Variants in GPC5 observed in about 807,000 individuals in gnomAD.
The protein encoded by GPC5 is glypican-5.
In GPC5, 47 loss-of-function variants were observed where a neutral mutation model predicts 53.9. The observed-to-expected ratio is 0.87, with a 90% confidence interval of 0.69 to 1.11. The LOEUF (loss-of-function observed/expected upper bound fraction) is 1.11. Among genes scored for constraint, GPC5 ranks in the 50% most tolerant of loss-of-function variants. GPC5 has a pLI of 0.00. For missense variants in GPC5, 748 were observed against 713.1 expected (o/e 1.05, Z -0.56); for synonymous variants, 286 against 263.3 (o/e 1.09, Z -0.84).
At position 92,793,647 on chromosome 13, in the gene GPC5, A is replaced by C. The variant is rs1333707465; in HGVS notation, c.1562-72635A>C. Among the ~76,000 whole-genome samples, 3 of 152,278 alleles carry C rather than the reference A, an allele frequency of 2.0e-5. No homozygotes were observed. The East Asian group carries it at 5.8e-4, about 30-fold the overall frequency. ...TTGATAGACCACTAGCAAGATTAAT[A>C]AGGAAGAAAAGACAGAAGAATCAAA... On this transcript the variant is annotated intron_variant, in intron 7 of 7. Transcript: ENST00000377067.
At chr13:91,673,620 C>T (rs2035302395) in intron 2 of GPC5, among the ~76,000 whole-genome samples, 1 of 152,130 alleles carries the variant, frequency 6.6e-6, no homozygotes, top group Admixed American at 6.5e-5. Context: ...GAAACCGGTG[C>T]AGGAAATACC....
At position 91,486,532 on chromosome 13, in the gene GPC5, A is replaced by G. The variant is rs1459787427; in HGVS notation, c.325+37610A>G. 10 of 152,324 alleles carry G rather than the reference A, an allele frequency of 6.6e-5. No individual in the cohort carries two copies. In the East Asian group the frequency reaches 1.7e-3, roughly 26 times the overall value. 9.4% of individuals were successfully genotyped at this position (152,324 alleles called of 1,614,324 possible). On this transcript the variant is annotated intron_variant, in intron 2 of 7. Coordinates refer to ENST00000377067, the MANE Select transcript of GPC5 (RefSeq NM_004466.6). ...TTATTGTAAGACTAACTTTGATACCAGCTTGCCATGTCTAAGAAAGTGAAA... is the reference window on the plus strand; with the variant it reads ...TTATTGTAAGACTAACTTTGATACCGGCTTGCCATGTCTAAGAAAGTGAAA...
At chr13:92,516,306 G>A (rs1286808449) in intron 7 of GPC5, among the ~76,000 whole-genome samples, 1 of 151,876 alleles carries the variant, frequency 6.6e-6, no homozygotes. Flanking sequence ...AATTAACATT[G>A]GCATAAAATA....
chr13:91,491,875 T>A (rs1389064703), intron 2 of GPC5, among the ~76,000 whole-genome samples: 1 of 152,228 alleles, frequency 6.6e-6, no homozygotes. Flanking sequence ...CTGCAAAGAC[T>A]CTTTTTCCAA....
chr13:91,791,604 AT>A (rs2037965108), intron 5 of GPC5, among the ~76,000 whole-genome samples: 1 of 65,784 alleles, frequency 1.5e-5, no homozygotes, highest in Non-Finnish European at 2.8e-5. Context: ...ATTGCTTTAC[AT>A]CAACAATTAC....
At chr13:92,304,283 C>T (rs1454644032) in intron 7 of GPC5, among the ~76,000 whole-genome samples, 1 of 151,814 alleles carries the variant, frequency 6.6e-6, no homozygotes, top group Non-Finnish European at 1.5e-5. Flanking sequence ...TGGCTCACTG[C>T]AAGCTCCACC....
At position 92,140,966 on chromosome 13, in the gene GPC5, G is replaced by T. The variant is rs1402811903; in HGVS notation, c.1402-3864G>T. Among the ~76,000 whole-genome samples, 8 of 152,144 alleles carry T rather than the reference G, an allele frequency of 5.3e-5. No homozygotes were observed. In the East Asian group the frequency reaches 1.5e-3, roughly 29 times the overall value. On this transcript the variant is annotated intron_variant, in intron 6 of 7. Coordinates refer to ENST00000377067, the MANE Select transcript of GPC5 (RefSeq NM_004466.6). ...CTGTTAGGATGAATTCCAAGAAAGA[G>T]ACTAAGAAGTAGGGGATTTATATTA...
intron 6 of GPC5, among the ~76,000 whole-genome samples, chr13:92,088,072 C>T (rs940282094): frequency 8.6e-5 from 13 of 151,884 alleles, no homozygotes; most frequent in Non-Finnish European, 1.8e-4. Flanking sequence ...AGCCGGGCCC[C>T]AACTACAATC....
At chr13:91,402,893 T>G (rs1014844743) in intron 1 of GPC5, among the ~76,000 whole-genome samples, 54 of 152,358 alleles carry the variant, frequency 3.5e-4, no homozygotes, top group African/African-American at 1.2e-3. Context: ...ATATTTTGTT[T>G]ATTTTTGTGA....
At chr13:92,419,873 G>A (rs1876482927) in intron 7 of GPC5, among the ~76,000 whole-genome samples, 1 of 152,014 alleles carries the variant, frequency 6.6e-6, no homozygotes. Context: ...GAAAGTCATG[G>A]CTCCTTTAAA....
intron 5 of GPC5, among the ~76,000 whole-genome samples, chr13:91,843,306 A>G (rs1194375436): frequency 6.6e-6 from 1 of 152,212 alleles, no homozygotes; most frequent in African/African-American, 2.4e-5. Flanking sequence ...TTACAGATTC[A>G]TGAGGGAGGG....
At chr13:91,981,194 G>A (rs993345486) in intron 6 of GPC5, among the ~76,000 whole-genome samples, 4 of 152,042 alleles carry the variant, frequency 2.6e-5, no homozygotes, top group Admixed American at 6.6e-5. Context: ...AGCATTTTAT[G>A]AAATTTTGAG....
intron 7 of GPC5, among the ~76,000 whole-genome samples, chr13:92,520,433 T>A (rs1220351096): frequency 6.6e-6 from 1 of 152,108 alleles, no homozygotes; most frequent in Non-Finnish European, 1.5e-5. Context: ...TTATACACCA[T>A]GATCAAGTGC....
At chr13:92,755,774 A>G (rs964147070) in intron 7 of GPC5, among the ~76,000 whole-genome samples, 2 of 141,154 alleles carry the variant, frequency 1.4e-5, no homozygotes, top group Non-Finnish European at 3.1e-5. Flanking sequence ...CCCAAGACTA[A>G]ACCAGGAAGA....
intron 7 of GPC5, among the ~76,000 whole-genome samples, chr13:92,594,026 C>G (rs1398248963): frequency 3.9e-5 from 6 of 152,120 alleles, no homozygotes; most frequent in Non-Finnish European, 5.9e-5. Flanking sequence ...GGAAAACCCA[C>G]ATTAACAAAA....
chr13:92,556,452 AT>A (rs1882496911), intron 7 of GPC5, among the ~76,000 whole-genome samples: 1 of 151,646 alleles, frequency 6.6e-6, no homozygotes. Context: ...TTAAAGTGTT[AT>A]TTTGGAAAAA....
intron 6 of GPC5, among the ~76,000 whole-genome samples, chr13:91,927,745 C>T (rs2039782682): frequency 6.6e-6 from 1 of 152,056 alleles, no homozygotes; most frequent in Non-Finnish European, 1.5e-5. Context: ...TTCAAGTGAA[C>T]AGGCTATTAA....
intron 2 of GPC5, among the ~76,000 whole-genome samples, chr13:91,674,449 A>G (rs905269398): frequency 2.7e-5 from 4 of 150,670 alleles, no homozygotes; most frequent in African/African-American, 9.8e-5. Context: ...ATATATACAC[A>G]TACACACACA....
chr13:91,985,833 A>G (rs191295921), intron 6 of GPC5, among the ~76,000 whole-genome samples: 3 of 152,256 alleles, frequency 2.0e-5, no homozygotes, highest in Non-Finnish European at 2.9e-5. Context: ...AACACCACAT[A>G]GTGTATCTTC....
Sources: allele counts gnomAD v4.1 joint callset (sites outside exome capture counted in the v4.1 genomes callset), GRCh38; gene constraint gnomAD v4.1.1; transcripts MANE v1.5; gene names NCBI Gene and HGNC (gene_info 2026-07-23, HGNC 2026-07-21).